The following PTPRK variants were observed in gnomAD, a reference collection of about 807,000 sequenced individuals.
The protein encoded by PTPRK is protein tyrosine phosphatase receptor type K, also known as receptor-type tyrosine-protein phosphatase kappa.
In PTPRK, 75 loss-of-function variants were observed where a neutral mutation model predicts 178.0. The ratio of observed to expected loss-of-function variants is 0.42; its 90% confidence interval spans 0.35 to 0.51. The LOEUF (loss-of-function observed/expected upper bound fraction) is 0.51. PTPRK is among the 20% of genes least tolerant of loss of function. The pLI is 0.02. For missense variants in PTPRK, 1,441 were observed against 1,797.8 expected, an observed-to-expected ratio of 0.80 and a Z score of 3.59; for synonymous variants, 637 against 620.6, an observed-to-expected ratio of 1.03 and a Z score of -0.39.
intron 7 of PTPRK, among the ~76,000 whole-genome samples, chr6:128,125,392 C>T (rs1335009280): frequency 2.6e-5 from 4 of 152,018 alleles, no homozygotes; most frequent in Admixed American, 2.6e-4. Flanking sequence ...TGCTCCTGCT[C>T]CTGCCATGTA....
At chr6:128,064,331 T>C (rs796695935) in intron 13 of PTPRK, among the ~76,000 whole-genome samples, 55 of 152,302 alleles carry the variant, frequency 3.6e-4, no homozygotes, top group African/African-American at 1.2e-3. Context: ...GATGAAGATA[T>C]GGACTAATCT....
intron 4 of PTPRK, among the ~76,000 whole-genome samples, chr6:128,241,714 C>T (rs530083333): frequency 1.1e-3 from 172 of 151,960 alleles, no homozygotes; most frequent in South Asian, 5.4e-3. Context: ...GAAAACCAAT[C>T]AATGTGCCTC....
rs116659774 is a variant in PTPRK at position 128,274,513 on chromosome 6, C to T, written c.496-31911G>A. 9.3e-3 allele frequency among the ~76,000 whole-genome samples: 1,410 copies of T among 152,110 alleles called. 18 individuals carry two copies. The highest frequency in any genetic ancestry group is 0.032 in the African/African-American group (1,331 of 41,526). On this transcript the variant is annotated intron_variant, in intron 3 of 29. Coordinates refer to ENST00000368226, the MANE Select transcript of PTPRK (RefSeq NM_002844.4). ...ATGCGTCTCATAATAAACTACTTTC[C>T]GGGATCTACAATTTCATGAATTAAA...
At chr6:128,227,840 G>A (rs13213933) in intron 5 of PTPRK, among the ~76,000 whole-genome samples, 8,314 of 151,978 alleles carry the variant, frequency 0.055, 285 homozygotes, top group South Asian at 0.13. Flanking sequence ...GACAATTAAG[G>A]AAAATTAGAA....
chr6:128,055,053 T>A (rs1562502144), intron 13 of PTPRK, among the ~76,000 whole-genome samples: 1 of 152,156 alleles, frequency 6.6e-6, no homozygotes, highest in African/African-American at 2.4e-5. Flanking sequence ...ATAAGAGAGT[T>A]AAAAAAATCC....
chr6:128,219,300 A>T (rs1809963560), intron 5 of PTPRK, among the ~76,000 whole-genome samples: 1 of 152,190 alleles, frequency 6.6e-6, no homozygotes, highest in Non-Finnish European at 1.5e-5. Context: ...ACAAAAGACC[A>T]GTTTCCTGGA....
At chr6:128,178,933 T>A (rs1279762677) in intron 7 of PTPRK, among the ~76,000 whole-genome samples, 2 of 151,908 alleles carry the variant, frequency 1.3e-5, no homozygotes, top group East Asian at 3.9e-4. Flanking sequence ...AAATTTGCAG[T>A]CTACCTGAAA....
intron 2 of PTPRK, among the ~76,000 whole-genome samples, chr6:128,371,657 A>G (rs1836300593): frequency 6.6e-6 from 1 of 152,122 alleles, no homozygotes. Flanking sequence ...AACTCACCCA[A>G]CCAATCACCA....
At chr6:128,092,602 G>T (rs1787179466) in intron 7 of PTPRK, among the ~76,000 whole-genome samples, 1 of 152,050 alleles carries the variant, frequency 6.6e-6, no homozygotes, top group African/African-American at 2.4e-5. Context: ...ACATGTGAAA[G>T]GTGCTATAGC....
intron 8 of PTPRK, among the ~76,000 whole-genome samples, chr6:128,087,609 G>C (rs1342923612): frequency 1.3e-5 from 2 of 151,974 alleles, no homozygotes; most frequent in Non-Finnish European, 2.9e-5. Flanking sequence ...TATTAATTAG[G>C]AAAGGGGGTG....
At chr6:128,135,516 G>A (rs1341412770) in intron 7 of PTPRK, among the ~76,000 whole-genome samples, 1 of 152,196 alleles carries the variant, frequency 6.6e-6, no homozygotes, top group African/African-American at 2.4e-5. Context: ...GAAACTTGGG[G>A]ATTCCCAGAA....
Position 127,981,251 on chromosome 6 carries a change from G to C in PTPRK, c.3576C>G (p.Asp1192Glu). 6.2e-7 allele frequency: 1 copy of C among 1,613,962 alleles called. No homozygotes were observed. The highest frequency in any genetic ancestry group is 8.5e-7 in the Non-Finnish European group (1 of 1,179,956). The part of the protein sequence containing the change: ...NSVTPRLQAE[D>E]CSIACLPRNH... ...TCCTTGGCAGGCACGCTATACTGCAGTCTTCAGCTTGTAGTCGAGGGGTGA... is the reference window on the plus strand; with the variant it reads ...TCCTTGGCAGGCACGCTATACTGCACTCTTCAGCTTGTAGTCGAGGGGTGA... The change falls in exon 25 of 30, where the codon GAC (aspartate) becomes GAG (glutamate). Residue 1192 changes from aspartate (D) to glutamate (E), a missense_variant. Transcript: ENST00000368226.
At chr6:128,305,231 A>G (rs1354878868) in intron 3 of PTPRK, among the ~76,000 whole-genome samples, 1 of 152,210 alleles carries the variant, frequency 6.6e-6, no homozygotes, top group Non-Finnish European at 1.5e-5. Context: ...AATAAAGTTG[A>G]CTAATAGAGG....
At chr6:128,505,166 A>C (rs28705340) in intron 1 of PTPRK, among the ~76,000 whole-genome samples, 12,585 of 148,300 alleles carry the variant, frequency 0.085, 870 homozygotes, top group African/African-American at 0.19. Flanking sequence ...TGCAGTGGCG[A>C]AATCTCGGCT....
intron 1 of PTPRK, among the ~76,000 whole-genome samples, chr6:128,495,570 C>T (rs1854535319): frequency 6.6e-6 from 1 of 152,080 alleles, no homozygotes; most frequent in African/African-American, 2.4e-5. Flanking sequence ...TCCATCACTC[C>T]CACCTTCAAA....
At chr6:128,025,478 C>G (rs189790895) in intron 13 of PTPRK, among the ~76,000 whole-genome samples, 1 of 152,310 alleles carries the variant, frequency 6.6e-6, no homozygotes, top group African/African-American at 2.4e-5. Context: ...CAAATAAGAT[C>G]AAATGCTGAC....
intron 3 of PTPRK, among the ~76,000 whole-genome samples, chr6:128,287,232 A>G (rs1320923373): frequency 6.6e-6 from 1 of 152,134 alleles, no homozygotes; most frequent in Admixed American, 6.6e-5. Flanking sequence ...GAGGCTGTGA[A>G]TTGGGATGAA....
rs10665667 is a variant in PTPRK, at chr6:128,464,638, CATATATATATATATAT to C, written c.100+55605_100+55620del. On this transcript the variant is annotated intron_variant, in intron 1 of 29. Coordinates refer to ENST00000368226, the MANE Select transcript of PTPRK (RefSeq NM_002844.4). Reference sequence around the variant, plus strand: ...ACATATACATATATATATATATACACATATATATATATATATATATATATATATATATATATACAAC... The same window carrying C: ...ACATATACATATATATATATATACACATATATATATATATATATATACAAC... 8.0e-4 allele frequency among the ~76,000 whole-genome samples: 39 copies of C among 48,606 alleles called. 1 individual carries two copies. Among genetic ancestry groups the C allele is most frequent in the Non-Finnish European group, 1.1e-3 (32 of 28,462 alleles). The allele number at this position is 48,606 out of a possible 152,430, so 31.9% of individuals were successfully genotyped here. A position where few individuals can be genotyped will look rare whatever the true frequency, so the allele number is the denominator to read the frequency against.
intron 1 of PTPRK, among the ~76,000 whole-genome samples, chr6:128,440,728 C>CA (rs1308515986): frequency 6.6e-6 from 1 of 152,038 alleles, no homozygotes; most frequent in Non-Finnish European, 1.5e-5. Flanking sequence ...TTGACCTTTC[C>CA]ATATCAGTAT....
Sources: allele counts gnomAD v4.1 joint callset (sites outside exome capture counted in the v4.1 genomes callset), GRCh38; gene constraint gnomAD v4.1.1; transcripts MANE v1.5; gene names NCBI Gene and HGNC (gene_info 2026-07-23, HGNC 2026-07-21).